The following B4GALNT3 variants were observed in gnomAD, a reference collection of about 807,000 sequenced individuals.
B4GALNT3 encodes beta-1,4-N-acetylgalactosaminyltransferase 3.
Under a neutral mutation model 120.2 loss-of-function variants are expected in B4GALNT3, and 86 were observed. That is an observed-to-expected ratio of 0.72 (90% CI 0.60 to 0.86). The LOEUF is 0.86. Among genes scored for constraint, B4GALNT3 ranks in the 40% least tolerant of loss-of-function variants. B4GALNT3 has a pLI of 0.00. For missense variants in B4GALNT3, 1,167 were observed against 1,298.9 expected, an observed-to-expected ratio of 0.90 and a Z score of 1.56; for synonymous variants, 518 against 510.4, an observed-to-expected ratio of 1.01 and a Z score of -0.20.
At chr12:469,676 G>T (rs542867135) in intron 1 of B4GALNT3, among the ~76,000 whole-genome samples, 2 of 152,250 alleles carry the variant, frequency 1.3e-5, no homozygotes, top group East Asian at 3.9e-4. Context: ...AGAGCTGTCT[G>T]GGGGGCTGTA....
At chr12:474,073 A>G (rs1018775499) in intron 1 of B4GALNT3, among the ~76,000 whole-genome samples, 1 of 152,150 alleles carries the variant, frequency 6.6e-6, no homozygotes, top group South Asian at 2.1e-4. Context: ...GAACAGAGTC[A>G]TTGCTGGTTT....
Position 557,720 on chromosome 12 carries a change from CA to C in B4GALNT3, c.2494del (p.Met832TrpfsTer7), listed in dbSNP as rs1459594065. On this transcript the variant is annotated frameshift_variant, in exon 16 of 20. Coordinates refer to ENST00000266383, the MANE Select transcript of B4GALNT3 (RefSeq NM_173593.4). LOFTEE classifies it high-confidence loss of function. Reference sequence around the variant, plus strand: ...TCATCACTGACTATAGCAGTGAGGACATGGATGTTGAGATGGCACTGAAGAG... The same window carrying C: ...TCATCACTGACTATAGCAGTGAGGACTGGATGTTGAGATGGCACTGAAGAG... ...IVITDYSSED[M>X]DVEMALKRSK... is the part of the protein sequence containing the mutation. 3.2e-5 allele frequency: 51 copies of C among 1,603,660 alleles called. No individual in the cohort carries two copies. Among genetic ancestry groups the C allele is most frequent in the Non-Finnish European group, 4.3e-5 (51 of 1,176,968 alleles).
intron 1 of B4GALNT3, among the ~76,000 whole-genome samples, chr12:470,114 A>T (rs1279511465): frequency 1.3e-5 from 2 of 152,152 alleles, no homozygotes; most frequent in Non-Finnish European, 2.9e-5. Flanking sequence ...GCAGGAGTAG[A>T]TTTGGAAGTT....
chr12:508,028 C>A (rs955348005), intron 1 of B4GALNT3, among the ~76,000 whole-genome samples: 1 of 152,234 alleles, frequency 6.6e-6, no homozygotes, highest in Non-Finnish European at 1.5e-5. Flanking sequence ...TGATACTAAC[C>A]TGTGAAAGAA....
At chr12:496,380 A>G (rs11063273) in intron 1 of B4GALNT3, among the ~76,000 whole-genome samples, 64,775 of 151,916 alleles carry the variant, frequency 0.43, 16,339 homozygotes, top group African/African-American at 0.71. Context: ...TGGGCAGATC[A>G]CTTGAGGTCA....
At chr12:538,175 ATAAT>A (rs1946880214) in intron 3 of B4GALNT3, among the ~76,000 whole-genome samples, 1 of 152,240 alleles carries the variant, frequency 6.6e-6, no homozygotes, top group Non-Finnish European at 1.5e-5. Flanking sequence ...ACATTTATTA[ATAAT>A]TAATTTATCC....
intron 1 of B4GALNT3, among the ~76,000 whole-genome samples, chr12:498,701 C>T (rs112291654): frequency 4.6e-5 from 7 of 152,270 alleles, no homozygotes; most frequent in East Asian, 1.9e-4. Flanking sequence ...ACCTGGAAGA[C>T]GAAGGTGGAG....
At chr12:522,271 A>G (rs1432050079) in intron 1 of B4GALNT3, among the ~76,000 whole-genome samples, 1 of 152,238 alleles carries the variant, frequency 6.6e-6, no homozygotes, top group African/African-American at 2.4e-5. Flanking sequence ...CCAAGTGTCT[A>G]AGACAGACGA....
Position 561,477 on chromosome 12 carries a change from A to C in B4GALNT3, c.*26A>C, listed in dbSNP as rs1040374972. 1 of 1,551,550 alleles carries C rather than the reference A, an allele frequency of 6.4e-7. No homozygotes were observed. On this transcript the variant is annotated 3_prime_UTR_variant, in exon 20 of 20. Transcript: ENST00000266383. ...CCGGAGGGTGTCCGCGGGGCCCAGCACTCCCCGCTCTGGACTAGCAGTGGC... is the reference window on the plus strand; with the variant it reads ...CCGGAGGGTGTCCGCGGGGCCCAGCCCTCCCCGCTCTGGACTAGCAGTGGC...
chr12:511,571 GACCTTCTTCCACCTTCC>G (rs1946561841), intron 1 of B4GALNT3, among the ~76,000 whole-genome samples: 1 of 37,164 alleles, frequency 2.7e-5, no homozygotes, highest in African/African-American at 1.2e-4. Flanking sequence ...TTCCGCCTTC[GACCTTCTTCCACCTTCC>G]ACCTTCCGCC....
intron 14 of B4GALNT3, among the ~76,000 whole-genome samples, chr12:554,361 G>A (rs1241688578): frequency 6.6e-6 from 1 of 152,192 alleles, no homozygotes; most frequent in African/African-American, 2.4e-5. Context: ...GGGCTGGAAG[G>A]GTTAGGGCGT....
At chr12:477,033 A>G (rs150668916) in intron 1 of B4GALNT3, among the ~76,000 whole-genome samples, 2 of 152,238 alleles carry the variant, frequency 1.3e-5, no homozygotes, top group African/African-American at 4.8e-5. Flanking sequence ...AAGGTTATCT[A>G]TTTACCCAGC....
chr12:560,738 C>T (rs1370879924), intron 19 of B4GALNT3, among the ~76,000 whole-genome samples: 2 of 152,324 alleles, frequency 1.3e-5, no homozygotes, highest in African/African-American at 2.4e-5. Context: ...CTGCCATGCA[C>T]GGCTCCTGTA....
intron 1 of B4GALNT3, among the ~76,000 whole-genome samples, chr12:523,233 C>G (rs958556481): frequency 1.3e-5 from 2 of 152,138 alleles, no homozygotes; most frequent in Non-Finnish European, 2.9e-5. Flanking sequence ...GATGCCTAAT[C>G]GGTTCTAGCA....
chr12:523,040 A>G (rs1482924560), intron 1 of B4GALNT3, among the ~76,000 whole-genome samples: 1 of 152,004 alleles, frequency 6.6e-6, no homozygotes, highest in Admixed American at 6.6e-5. Context: ...TTTAAAAAAG[A>G]GAGAAAGCAT....
At chr12:482,778 T>C (rs1946254081) in intron 1 of B4GALNT3, among the ~76,000 whole-genome samples, 1 of 152,152 alleles carries the variant, frequency 6.6e-6, no homozygotes, top group Non-Finnish European at 1.5e-5. Context: ...AGAGGTTCAC[T>C]TGAGCCCAGG....
At chr12:522,360 C>T (rs761091321) in intron 1 of B4GALNT3, among the ~76,000 whole-genome samples, 2 of 152,178 alleles carry the variant, frequency 1.3e-5, no homozygotes, top group Non-Finnish European at 2.9e-5. Context: ...ACACATGCCA[C>T]AACATGGGTG....
chr12:485,553 G>A (rs1043571232), intron 1 of B4GALNT3, among the ~76,000 whole-genome samples: 3 of 152,134 alleles, frequency 2.0e-5, no homozygotes, highest in East Asian at 1.9e-4. Flanking sequence ...CCTCAGGGTC[G>A]ATAGACCCAA....
chr12:548,253 C>T lies in B4GALNT3; in HGVS notation c.809C>T (p.Ala270Val), dbSNP rs774440618. Reference protein sequence around the residue: ...EVAWRRNDPGAKFTIIDSLSL... With the variant: ...EVAWRRNDPGVKFTIIDSLSL... ...CAGTGGCGACGGAACGACCCTGGAG[C>T]CAAGTTCACCATCATTGACTCCCTC... Residue 270 changes from alanine (A) to valine (V), a missense_variant, in exon 9 of 20, where the codon GCC becomes GTC. Around this residue, in one of 3 missense-constraint regions of B4GALNT3, gnomAD observed 983 missense variants for 1,102.5 expected, o/e 0.89. Coordinates refer to ENST00000266383, the MANE Select transcript of B4GALNT3 (RefSeq NM_173593.4). This position sits in a 1 kb window ranked among gnomAD's most constrained non-coding sequence, Gnocchi z 4.9. 1 of 1,614,154 alleles carries T rather than the reference C, an allele frequency of 6.2e-7. No homozygotes were observed. Among genetic ancestry groups the T allele is most frequent in the Admixed American group, 1.7e-5 (1 of 60,026 alleles).
Sources: gnomAD v4.1 joint callset for allele counts (sites outside exome capture counted in the v4.1 genomes callset) on GRCh38, gnomAD v4.1.1 for gene constraint, gnomAD v4.1.1 regional missense constraint, Gnocchi (gnomAD v3.1) non-coding constraint, MANE v1.5 for transcripts, NCBI Gene and HGNC (gene_info 2026-07-23, HGNC 2026-07-21) for gene names.